The following KPNA7 variants were observed in gnomAD, a reference collection of about 807,000 sequenced individuals.
The protein encoded by KPNA7 is importin subunit alpha-8.
A neutral mutation model predicts 53.7 loss-of-function variants in KPNA7; 54 were observed. The ratio of observed to expected loss-of-function variants is 1.01; its 90% CI spans 0.81 to 1.26. The LOEUF (loss-of-function observed/expected upper bound fraction) is 1.26. Ranked by LOEUF, KPNA7 falls within the 50% of genes most tolerant of loss-of-function variation. KPNA7 has a pLI of 0.00. For missense variants in KPNA7, 640 were observed against 644.5 expected (o/e 0.99, Z 0.07); for synonymous variants, 276 against 259.3 (o/e 1.06, Z -0.62).
intron 1 of KPNA7, among the ~76,000 whole-genome samples, 185 bp downstream of exon 1, chr7:99,207,843 C>T (rs1375757716): frequency 6.6e-6 from 1 of 151,662 alleles, no homozygotes; most frequent in Non-Finnish European, 1.5e-5. Context: ...ACCACGTTGG[C>T]CAGGCTGGTC....
chr7:99,153,577 A>T, the KPNA7 span, among the ~76,000 whole-genome samples: 1 of 151,272 alleles, frequency 6.6e-6, no homozygotes, highest in Admixed American at 6.6e-5. Context: ...ATCGTTCTTG[A>T]TCTTTGAGCA....
chr7:99,183,445 C>T (rs1789388234), intron 8 of KPNA7, among the ~76,000 whole-genome samples: 1 of 152,098 alleles, frequency 6.6e-6, no homozygotes, highest in African/African-American at 2.4e-5. Context: ...AGTTATAGTT[C>T]AAAAGATACC....
At chr7:99,190,335 C>CAAAAAAAA (rs58257703) in intron 6 of KPNA7, among the ~76,000 whole-genome samples, 3,482 of 98,936 alleles carry the variant, frequency 0.035, 81 homozygotes, top group South Asian at 0.076. Context: ...GACTCTGTCT[C>CAAAAAAAA]AAAAAAAAAA....
At chr7:99,154,449 G>C in the KPNA7 span, among the ~76,000 whole-genome samples, 1 of 151,718 alleles carries the variant, frequency 6.6e-6, no homozygotes, top group African/African-American at 2.4e-5. Context: ...TTTATTACAG[G>C]TAACTCCCAG....
chr7:99,184,769 G>T (rs1320847554), intron 8 of KPNA7, among the ~76,000 whole-genome samples, 160 bp downstream of exon 8: 3 of 152,058 alleles, frequency 2.0e-5, no homozygotes, highest in Middle Eastern at 3.2e-3. Context: ...AGAATGGAAC[G>T]CCCCCTTCCT....
At chr7:99,170,546 T>C (rs1232696490), downstream of KPNA7, among the ~76,000 whole-genome samples, 1 of 152,146 alleles carries the variant, frequency 6.6e-6, no homozygotes, top group East Asian at 1.9e-4. Flanking sequence ...CTTGCTATGT[T>C]GCCCAGGCTG....
intron 4 of KPNA7, 62 bp downstream of exon 4, chr7:99,196,022 G>A: frequency 7.3e-7 from 1 of 1,362,388 alleles, no homozygotes; most frequent in East Asian, 2.5e-5. Flanking sequence ...CGGCGCTCCA[G>A]CCATCACTGA....
At chr7:99,175,058 G>A (rs190217153) in intron 10 of KPNA7, among the ~76,000 whole-genome samples, 6 of 151,052 alleles carry the variant, frequency 4.0e-5, no homozygotes, top group East Asian at 2.0e-4. Flanking sequence ...TGATCCACCC[G>A]CCTTGGCCTC....
chr7:99,158,488 C>G, the KPNA7 span, among the ~76,000 whole-genome samples: 1 of 152,000 alleles, frequency 6.6e-6, no homozygotes, highest in Admixed American at 6.6e-5. Flanking sequence ...ATTCTGTTTT[C>G]ATTTGTACTA....
chr7:99,154,822 G>T, the KPNA7 span, among the ~76,000 whole-genome samples: 1 of 152,036 alleles, frequency 6.6e-6, no homozygotes, highest in East Asian at 1.9e-4. Context: ...TTGAATCTAT[G>T]TTCATGTAAT....
chr7:99,150,696 A>G, the KPNA7 span, among the ~76,000 whole-genome samples: 1 of 152,164 alleles, frequency 6.6e-6, no homozygotes, highest in Non-Finnish European at 1.5e-5. Flanking sequence ...GATTACAGGC[A>G]TGAGCCATCG....
rs1790216491 is a variant in KPNA7, at chr7:99,196,091, TCTGGGTGGC to T, written c.268_276del (p.Ala90_Gln92del). 1 of 1,551,528 alleles carries T rather than the reference TCTGGGTGGC, an allele frequency of 6.4e-7. No individual in the cohort carries two copies. Among genetic ancestry groups the T allele is most frequent in the Non-Finnish European group, 8.7e-7 (1 of 1,146,842 alleles). ...AAGTCTGTTTGGAGATACCTGGCTG[TCTGGGTGGC>T]CTGGAAACATAGGACTGGATCTGAG... On this transcript the variant is annotated inframe_deletion, in exon 4 of 11. Transcript: ENST00000327442.
the KPNA7 span, among the ~76,000 whole-genome samples, chr7:99,154,426 G>A: frequency 2.0e-5 from 3 of 151,924 alleles, no homozygotes; most frequent in African/African-American, 4.8e-5. Flanking sequence ...ACCACACCTG[G>A]CAAAAATGCT....
At chr7:99,189,533 C>T (rs1205956184) in intron 6 of KPNA7, among the ~76,000 whole-genome samples, 2 of 152,178 alleles carry the variant, frequency 1.3e-5, no homozygotes, top group Non-Finnish European at 1.5e-5. Context: ...CTGCCCCTTT[C>T]AGCCATCATC....
Position 99,179,622 on chromosome 7 carries a change from T to C in KPNA7, c.1318-1556A>G, listed in dbSNP as rs1041690302. 2.0e-5 allele frequency among the ~76,000 whole-genome samples: 3 copies of C among 152,024 alleles called. No homozygotes were observed. The East Asian group carries it at 5.8e-4, about 29-fold the overall frequency. ...TTTTTAGAGACAGACTCTTGCTCTG[T>C]TGCCCAAGCTGGAGTGCAGTGGCAT... On this transcript the variant is annotated intron_variant, in intron 9 of 10. Coordinates refer to ENST00000327442, the MANE Select transcript of KPNA7 (RefSeq NM_001145715.3).
chr7:99,184,492 G>A (rs2150723652), intron 8 of KPNA7, among the ~76,000 whole-genome samples: 1 of 152,180 alleles, frequency 6.6e-6, no homozygotes, highest in Middle Eastern at 3.4e-3. Context: ...GTTTAGATTT[G>A]AATTTTGTTG....
rs2150750435 is a variant in KPNA7, at chr7:99,195,185, C to T, written c.438G>A (p.Ser146=). 1.9e-6 allele frequency: 3 copies of T among 1,551,604 alleles called. No homozygotes were observed. The highest frequency in any genetic ancestry group is 2.6e-6 in the Non-Finnish European group (3 of 1,146,988). Residue 146 remains serine, a synonymous_variant, in exon 5 of 11, where the codon TCG becomes TCA. Transcript: ENST00000327442. ...CTTCTACCACGGCACGAGTCTGCTCCGAAGTCCCTGAAGCGATGTTGGTCA... is the reference window on the plus strand; with the variant it reads ...CTTCTACCACGGCACGAGTCTGCTCTGAAGTCCCTGAAGCGATGTTGGTCA... The part of the protein sequence containing the change: ...WALTNIASGT[S]EQTRAVVEGG...
At chr7:99,169,674 G>A (rs796068618), downstream of KPNA7, among the ~76,000 whole-genome samples, 23 of 152,072 alleles carry the variant, frequency 1.5e-4, no homozygotes, top group African/African-American at 5.3e-4. Context: ...ATGGAAGGAG[G>A]GAAGCATAAG....
the KPNA7 span, among the ~76,000 whole-genome samples, chr7:99,151,642 A>C: frequency 6.6e-6 from 1 of 151,534 alleles, no homozygotes; most frequent in Non-Finnish European, 1.5e-5. Context: ...TTTTTTCTAG[A>C]GACAGGTTCT....
Sources: allele counts gnomAD v4.1 joint callset (sites outside exome capture counted in the v4.1 genomes callset), GRCh38; gene constraint gnomAD v4.1.1; transcripts MANE v1.5; gene names NCBI Gene and HGNC (gene_info 2026-07-23, HGNC 2026-07-21).